TOM1L1: variants seen among roughly 807,000 people sequenced by gnomAD.
The protein encoded by TOM1L1 is target of myb1 like 1 membrane trafficking protein, also known as TOM1-like protein 1.
In TOM1L1, 64 loss-of-function variants were observed where a neutral mutation model predicts 63.4. The ratio of observed to expected loss-of-function variants is 1.01; its 90% confidence interval spans 0.83 to 1.24. The LOEUF (loss-of-function observed/expected upper bound fraction) is 1.24, where lower values mean the gene tolerates loss of function less well. TOM1L1 is among the 50% of genes most tolerant of loss of function. The pLI, the probability that TOM1L1 is intolerant of heterozygous loss-of-function variation, is 0.00. For synonymous variants in TOM1L1, 166 were observed against 194.4 expected, an observed-to-expected ratio of 0.85 and a Z score of 1.22; for missense variants, 536 against 567.0, an observed-to-expected ratio of 0.95 and a Z score of 0.55.
In TOM1L1 at chr17:54,912,690, T is replaced by A. The variant is rs1181356194; in HGVS notation, c.247T>A (p.Cys83Ser). Residue 83 changes from cysteine to serine, a missense_variant, in exon 4 of 16, where the codon TGT (cysteine) becomes AGT (serine). By Grantham distance (112) the Cys-to-Ser change is moderately radical. Coordinates refer to ENST00000575882, the MANE Select transcript of TOM1L1 (RefSeq NM_005486.3). ...LSLIDMCVQN[C>S]GPSFQSLIVK... is the part of the protein sequence containing the mutation. Reference sequence around the variant, plus strand: ...GCTTATTGACATGTGTGTGCAGAACTGTGGTCCAAGTTTCCAGTCTCTGAT... The same window carrying A: ...GCTTATTGACATGTGTGTGCAGAACAGTGGTCCAAGTTTCCAGTCTCTGAT... 6.2e-7 allele frequency: 1 copy of A among 1,604,728 alleles called. No individual in the cohort carries two copies. The highest frequency in any genetic ancestry group is 8.5e-7 in the Non-Finnish European group (1 of 1,177,226).
intron 8 of TOM1L1, among the ~76,000 whole-genome samples, chr17:54,933,896 A>G (rs1226468433): frequency 6.6e-6 from 1 of 152,222 alleles, no homozygotes; most frequent in Non-Finnish European, 1.5e-5. Context: ...CATTGGTTCC[A>G]TCTAGAAAGG....
chr17:54,960,422 T>C (rs376690345), intron 14 of TOM1L1, 144 bp from the exon 15 acceptor site: 6 of 644,206 alleles, frequency 9.3e-6, no homozygotes, highest in African/African-American at 5.5e-5. Flanking sequence ...GAATACACAC[T>C]TCAGGGCAGA....
At chr17:54,928,877 G>A (rs1265843409) in intron 7 of TOM1L1, among the ~76,000 whole-genome samples, 1 of 152,100 alleles carries the variant, frequency 6.6e-6, no homozygotes, top group East Asian at 1.9e-4. Flanking sequence ...TTAGAGGGTA[G>A]TGGCTTTTAC....
rs773156798 is a variant in TOM1L1, at chr17:54,947,318, TA to T, written c.1182+8del. On this transcript the variant is annotated splice_region_variant and intron_variant, in intron 12 of 15. Coordinates refer to ENST00000575882, the MANE Select transcript of TOM1L1 (RefSeq NM_005486.3). ...CAAGCCACGCATATGATAATGTAAG[TA>T]ACAAAACTCTTTTCTAGCAGTGCAT... 6.2e-6 allele frequency: 10 copies of T among 1,613,938 alleles called. No individual in the cohort carries two copies. In the South Asian group the frequency reaches 1.1e-4, roughly 18 times the overall value.
chr17:54,942,365 T>C (rs1439147774), intron 11 of TOM1L1: 1 of 152,120 alleles, frequency 6.6e-6, no homozygotes, highest in Non-Finnish European at 1.5e-5. Context: ...CACCTCGGCT[T>C]CCTGAAGTGC....
chr17:54,909,257 TCCAAGCAAAA>T (rs920398149), intron 3 of TOM1L1, among the ~76,000 whole-genome samples: 5 of 152,150 alleles, frequency 3.3e-5, no homozygotes, highest in African/African-American at 1.2e-4. Flanking sequence ...AGACTCTGTA[TCCAAGCAAAA>T]CAAAGCAAAA....
chr17:54,917,692 A>T (rs1378264591), intron 7 of TOM1L1, among the ~76,000 whole-genome samples: 1 of 151,986 alleles, frequency 6.6e-6, no homozygotes, highest in Non-Finnish European at 1.5e-5. Flanking sequence ...GCTGATAGTG[A>T]GCTCATTTTT....
intron 3 of TOM1L1, among the ~76,000 whole-genome samples, chr17:54,911,178 C>T (rs1449222996): frequency 6.6e-6 from 1 of 152,204 alleles, no homozygotes; most frequent in Non-Finnish European, 1.5e-5. Flanking sequence ...AGACCATCTT[C>T]TTAACTGTAT....
chr17:54,938,758 A>T (rs138409817), intron 10 of TOM1L1, 166 bp from the exon 11 acceptor site: 1 of 498,336 alleles, frequency 2.0e-6, no homozygotes, highest in Non-Finnish European at 3.5e-6. Flanking sequence ...AGGAAATCTC[A>T]TGATTTTAGG....
Position 54,912,711 on chromosome 17 carries a change from C to CT in TOM1L1, c.269dup (p.Ile91AspfsTer8). 1 of 1,609,808 alleles carries CT rather than the reference C, an allele frequency of 6.2e-7. No individual in the cohort carries two copies. The highest frequency in any genetic ancestry group is 8.5e-7 in the Non-Finnish European group (1 of 1,178,658). ...GAACTGTGGTCCAAGTTTCCAGTCTCTGATTGTGAAGAAGGAATTTGTTAA... is the reference window on the plus strand; with the variant it reads ...GAACTGTGGTCCAAGTTTCCAGTCTCTTGATTGTGAAGAAGGAATTTGTTAA... On this transcript the variant is annotated frameshift_variant, in exon 4 of 16. Coordinates refer to ENST00000575882, the MANE Select transcript of TOM1L1 (RefSeq NM_005486.3). LOFTEE classifies it high-confidence loss of function.
Position 54,927,289 on chromosome 17 carries a change from G to A in TOM1L1, c.721-2784G>A, listed in dbSNP as rs535537385. Among the ~76,000 whole-genome samples, 20 of 152,294 alleles carry A rather than the reference G, an allele frequency of 1.3e-4. No individual in the cohort carries two copies. The East Asian group carries it at 3.1e-3, about 24-fold the overall frequency. ...TTGCCATACAGATAGTATTTCCAGA[G>A]ACATTTTAAAGCAAACACATTTCTT... On this transcript the variant is annotated intron_variant, in intron 7 of 15. Transcript: ENST00000575882.
chr17:54,916,898 G>A (rs2048599359), intron 7 of TOM1L1: 1 of 152,128 alleles, frequency 6.6e-6, no homozygotes, highest in Non-Finnish European at 1.5e-5. Context: ...GTTAAATGCA[G>A]GTTAGTTTAG....
At chr17:54,951,354 A>G (rs1471535265) in intron 14 of TOM1L1, among the ~76,000 whole-genome samples, 4 of 152,156 alleles carry the variant, frequency 2.6e-5, no homozygotes, top group Admixed American at 2.6e-4. Flanking sequence ...GACCTGACCC[A>G]ACCCCAACCC....
chr17:54,925,931 C>G (rs1443543937), intron 7 of TOM1L1, among the ~76,000 whole-genome samples: 2 of 138,056 alleles, frequency 1.4e-5, no homozygotes, highest in African/African-American at 5.4e-5. Flanking sequence ...AAAAAAAAAG[C>G]AGCCTGTATA....
At chr17:54,927,390 A>ATG (rs1414430632) in intron 7 of TOM1L1, among the ~76,000 whole-genome samples, 2 of 152,138 alleles carry the variant, frequency 1.3e-5, no homozygotes, top group African/African-American at 4.8e-5. Context: ...CTCTTGGTCA[A>ATG]TGTGGGATGA....
chr17:54,930,444 G>A, intron 8 of TOM1L1: 1 of 426,430 alleles, frequency 2.3e-6, no homozygotes, highest in Middle Eastern at 6.9e-4. Context: ...GTGGCTCCCA[G>A]CTATAATCTC....
intron 14 of TOM1L1, among the ~76,000 whole-genome samples, chr17:54,959,864 A>ACC (rs1002900445): frequency 2.6e-5 from 4 of 151,846 alleles, no homozygotes; most frequent in Non-Finnish European, 5.9e-5. Flanking sequence ...CGATCCACCC[A>ACC]CCTCAGCCTC....
chr17:54,949,726 C>G (rs757692240), intron 13 of TOM1L1, 103 bp downstream of exon 13: 4 of 988,578 alleles, frequency 4.0e-6, no homozygotes, highest in Non-Finnish European at 6.3e-6. Context: ...ATTAGAGATG[C>G]TCTTTTGTAT....
Position 54,948,186 on chromosome 17 carries a change from G to A in TOM1L1, c.1182+874G>A, listed in dbSNP as rs1437405291. Among the ~76,000 whole-genome samples, 21 of 152,208 alleles carry A rather than the reference G, an allele frequency of 1.4e-4. No individual in the cohort carries two copies. In the South Asian group the frequency reaches 2.1e-3, roughly 15 times the overall value. ...GTCACCATCGGATGGACATTGCAGT[G>A]GCCTCTAAGGGAAGCCCTGTTTCAA... On this transcript the variant is annotated intron_variant, in intron 12 of 15. Coordinates refer to ENST00000575882, the MANE Select transcript of TOM1L1 (RefSeq NM_005486.3).
Sources: allele counts gnomAD v4.1 joint callset (sites outside exome capture counted in the v4.1 genomes callset), GRCh38; gene constraint gnomAD v4.1.1; transcripts MANE v1.5; gene names NCBI Gene and HGNC (gene_info 2026-07-23, HGNC 2026-07-21).